PVRIG: variants seen among roughly 807,000 people sequenced by gnomAD.
The protein encoded by PVRIG is PVR related immunoglobulin domain containing, also known as transmembrane protein PVRIG.
A neutral mutation model predicts 21.9 loss-of-function variants in PVRIG; 16 were observed. The observed-to-expected ratio is 0.73, with a 90% CI of 0.50 to 1.11. PVRIG has a LOEUF of 1.11. Among genes scored for constraint, PVRIG ranks in the 50% most tolerant of loss-of-function variants. PVRIG has a pLI of 0.00. For synonymous variants in PVRIG, 190 were observed against 181.0 expected (o/e 1.05, Z -0.40); for missense variants, 435 against 445.7 (o/e 0.98, Z 0.22).
rs1584841897 is a variant in PVRIG at position 100,219,707 on chromosome 7, CCCCAGGCCTA to C, written c.-198-5_-194del. ...AGCTTCTCTGCCCCTCCCCTGGCCTCCCCAGGCCTAGCCAGGGCTGGGTTCTCACCCACCT... is the reference window on the plus strand; with the variant it reads ...AGCTTCTCTGCCCCTCCCCTGGCCTCGCCAGGGCTGGGTTCTCACCCACCT... On this transcript the variant is annotated splice_acceptor_variant and splice_polypyrimidine_tract_variant and 5_prime_UTR_variant and intron_variant, in exon 2 of 6. Transcript: ENST00000317271. LOFTEE classifies it low-confidence loss of function (5UTR_SPLICE). The C allele has an allele frequency of 1.1e-4, 66 of 621,164 alleles. No individual in the cohort carries two copies. The East Asian group carries it at 1.8e-3, about 17-fold the overall frequency. 38.5% of individuals were successfully genotyped at this position (621,164 alleles called of 1,614,324 possible). A position where few individuals can be genotyped will look rare whatever the true frequency, so the allele number is the denominator to read the frequency against.
At position 100,220,047 on chromosome 7, in the gene PVRIG, G is replaced by A; in HGVS notation, c.118+19G>A. 1.2e-6 allele frequency: 2 copies of A among 1,604,924 alleles called. No individual in the cohort carries two copies. The highest frequency in any genetic ancestry group is 1.7e-6 in the Non-Finnish European group (2 of 1,176,292). ...ACTGCGGGTGAGTGCCGGCACCAGA[G>A]AGGGGCAGGGGCTGCAGGGAGGGTG... On this transcript the variant is annotated intron_variant, in intron 2 of 5. Transcript: ENST00000317271.
At chr7:100,220,074 T>A in intron 2 of PVRIG, 40 bp from the exon 2 acceptor site, 3 of 1,603,994 alleles carry the variant, frequency 1.9e-6, no homozygotes, top group Non-Finnish European at 2.6e-6. Context: ...GGGAGGGTGA[T>A]GTAGGACAAC....
rs929405578 is a variant in PVRIG, at chr7:100,221,332, A to G, written c.*81A>G. The G allele has an allele frequency of 1.1e-5, 13 of 1,193,502 alleles. No homozygotes were observed. In the South Asian group the frequency reaches 1.3e-4, roughly 12 times the overall value. The allele number at this position is 1,193,502 out of a possible 1,614,324, so 73.9% of individuals were successfully genotyped here. ...CCTTACTTTAATTCTTGGGCCTCCA[A>G]TAAGTGTCCCATAGGTGTCTGGCCA... On this transcript the variant is annotated 3_prime_UTR_variant, in exon 6 of 6. Transcript: ENST00000317271.
chr7:100,219,640 C>G, intron 1 of PVRIG: 1 of 550,054 alleles, frequency 1.8e-6, no homozygotes, highest in Non-Finnish European at 3.3e-6. Flanking sequence ...AAGCCCGGCA[C>G]CCCTTGCTGT....
Position 100,221,092 on chromosome 7 carries a change from G to A in PVRIG, c.822G>A (p.Trp274Ter). 4 of 1,613,984 alleles carry A rather than the reference G, an allele frequency of 2.5e-6. No homozygotes were observed. The highest frequency in any genetic ancestry group is 3.4e-6 in the Non-Finnish European group (4 of 1,179,986). Residue 274 changes from tryptophan (W) to a stop codon, truncating the protein, a stop_gained, in exon 6 of 6, where the codon TGG becomes TGA. Coordinates refer to ENST00000317271, the Ensembl canonical transcript of PVRIG. LOFTEE classifies it low-confidence loss of function (END_TRUNC). ...ACCGGCCCCAGGGCCCTGCCGCCTG[G>A]GCCTCCACACCCATCCCTGCACGTG... is the stretch of plus-strand genomic sequence containing the variant.
chr7:100,220,665 T>A, exon 4 of PVRIG: 2 of 1,610,970 alleles, frequency 1.2e-6, no homozygotes, highest in Non-Finnish European at 1.7e-6. Flanking sequence ...TGCGCCGACA[T>A]AAGCACCGGT....
At chr7:100,221,359 G>T in exon 6 of PVRIG, 1 of 871,268 alleles carries the variant, frequency 1.1e-6, no homozygotes. Context: ...GTCTGGCCAG[G>T]CCCACCTGCT....
rs560470511 is a variant in PVRIG, at chr7:100,220,813, G to A, written c.650G>A (p.Arg217Gln). The change falls in exon 5 of 6, where the codon CGA (arginine) becomes CAA (glutamine). Residue 217 changes from arginine (R) to glutamine (Q), a missense_variant. Arg to Gln is a conservative substitution (Grantham distance 43, BLOSUM62 1). Transcript: ENST00000317271. Reference sequence around the variant, plus strand: ...ACCAGCCCCCAGGCACCGAGAGCACGAGCATGGGTGAGGAGGGGACCTGCT... The same window carrying A: ...ACCAGCCCCCAGGCACCGAGAGCACAAGCATGGGTGAGGAGGGGACCTGCT... 29 of 1,607,066 alleles carry A rather than the reference G, an allele frequency of 1.8e-5. No individual in the cohort carries two copies. The African/African-American group carries it at 2.0e-4, about 11-fold the overall frequency.
intron 2 of PVRIG, 21 bp from the exon 2 acceptor site, chr7:100,220,093 G>C (rs187691795): frequency 2.2e-4 from 359 of 1,602,310 alleles, no homozygotes; most frequent in East Asian, 1.6e-3. Context: ...ACAGCCCACC[G>C]ACCTTGCTGC....
intron 3 of PVRIG, 27 bp from the exon 3 acceptor site, chr7:100,220,520 C>A (rs1215961979): frequency 6.2e-7 from 1 of 1,610,930 alleles, no homozygotes; most frequent in African/African-American, 1.3e-5. Context: ...AACTGGCCAC[C>A]CATCTGATTC....
chr7:100,221,092 G>T, exon 6 of PVRIG: 1 of 1,613,984 alleles, frequency 6.2e-7, no homozygotes, highest in Non-Finnish European at 8.5e-7. Flanking sequence ...CTGCCGCCTG[G>T]GCCTCCACAC....
exon 6 of PVRIG, chr7:100,221,023 T>G: frequency 1.2e-6 from 2 of 1,612,436 alleles, no homozygotes; most frequent in Non-Finnish European, 1.7e-6. Context: ...CTCACCCCCA[T>G]GGGGGGCCGT....
At chr7:100,220,849 G>T in intron 5 of PVRIG, 29 bp downstream of exon 4, 1 of 1,605,664 alleles carries the variant, frequency 6.2e-7, no homozygotes, top group African/African-American at 1.3e-5. Flanking sequence ...TTGGGGATGA[G>T]GTGACAGGGG....
chr7:100,220,447 C>A, exon 3 of PVRIG: 1 of 1,609,524 alleles, frequency 6.2e-7, no homozygotes, highest in Non-Finnish European at 8.5e-7. Context: ...GGGAGCCTCC[C>A]GCCCAGCTCA....
Position 100,220,825 on chromosome 7 carries a change from G to A in PVRIG, c.657+5G>A, listed in dbSNP as rs1483893826. ...GCACCGAGAGCACGAGCATGGGTGA[G>A]GAGGGGACCTGCTTTGGGGATGAGG... On this transcript the variant is annotated splice_donor_5th_base_variant and intron_variant, in intron 5 of 5. Transcript: ENST00000317271. The A allele has an allele frequency of 1.9e-6, 3 of 1,607,494 alleles. No individual in the cohort carries two copies. Among genetic ancestry groups the A allele is most frequent in the Admixed American group, 1.7e-5 (1 of 59,422 alleles).
chr7:100,219,730 T>C (rs1356300320), exon 2 of PVRIG: 43 of 646,896 alleles, frequency 6.6e-5, no homozygotes, highest in Non-Finnish European at 9.0e-5. Flanking sequence ...CAGGGCTGGG[T>C]TCTCACCCAC....
At chr7:100,221,119 C>T in exon 6 of PVRIG, 2 of 1,613,944 alleles carry the variant, frequency 1.2e-6, no homozygotes, top group Non-Finnish European at 1.7e-6. Context: ...CTGCACGTGG[C>T]AGCTTTGTCT....
In PVRIG at chr7:100,220,895, G is replaced by A. The variant is rs750758291; in HGVS notation, c.658-33G>A. 34 of 1,588,522 alleles carry A rather than the reference G, an allele frequency of 2.1e-5. No homozygotes were observed. The South Asian group carries it at 3.5e-4, about 16-fold the overall frequency. On this transcript the variant is annotated intron_variant, in intron 5 of 5. Transcript: ENST00000317271. ...GGGGCCAGGGCTGGGCCCAAGCTGT[G>A]CAGACTCACTTGACCCTCCTTCCCC...
At chr7:100,220,729 C>T (rs778008539) in intron 4 of PVRIG, 31 bp from the exon 4 acceptor site, 2 of 1,607,390 alleles carry the variant, frequency 1.2e-6, no homozygotes, top group Admixed American at 3.3e-5. Flanking sequence ...ACATGCCCTG[C>T]AGAGCTCTGA....
Sources: gnomAD v4.1 joint callset for allele counts on GRCh38, gnomAD v4.1.1 for gene constraint, MANE v1.5 for transcripts, NCBI Gene and HGNC (gene_info 2026-07-23, HGNC 2026-07-21) for gene names.